Variants in LGR6 observed in about 807,000 individuals in gnomAD.
The protein encoded by LGR6 is leucine-rich repeat-containing G protein-coupled receptor 6.
Under a neutral mutation model 69.4 loss-of-function variants are expected in LGR6, and 45 were observed. The observed-to-expected ratio is 0.65, with a 90% CI of 0.51 to 0.83. The LOEUF is 0.83. Ranked by LOEUF, LGR6 falls within the 40% of genes least tolerant of loss-of-function variation. LGR6 has a pLI of 0.00. For missense variants in LGR6, 1,108 were observed against 1,246.7 expected, an observed-to-expected ratio of 0.89 and a Z score of 1.68; for synonymous variants, 538 against 555.0, an observed-to-expected ratio of 0.97 and a Z score of 0.43.
chr1:202,228,118 C>T, intron 3 of LGR6, 111 bp downstream of exon 3: 1 of 647,826 alleles, frequency 1.5e-6, no homozygotes, highest in Non-Finnish European at 2.7e-6. Context: ...TTATTATTTC[C>T]TTATCTTCAC....
chr1:202,312,593 A>G (rs910904859), intron 16 of LGR6, among the ~76,000 whole-genome samples: 7 of 152,254 alleles, frequency 4.6e-5, no homozygotes, highest in Non-Finnish European at 1.5e-5. Flanking sequence ...TGCAACAAAC[A>G]GAGTCACCTA....
rs926793959 is a variant in LGR6, at chr1:202,261,312, C to G, written c.429-14994C>G. On this transcript the variant is annotated intron_variant, in intron 4 of 17. Coordinates refer to ENST00000367278, the MANE Select transcript of LGR6 (RefSeq NM_001017403.2). ...TGTGTTCTCAGTGTTCAATTCCCATCCATGAGTAAGAACATGTGGTGTTTG... is the reference window on the plus strand; with the variant it reads ...TGTGTTCTCAGTGTTCAATTCCCATGCATGAGTAAGAACATGTGGTGTTTG... 2.2e-4 allele frequency among the ~76,000 whole-genome samples: 32 copies of G among 147,960 alleles called. 1 individual carries two copies. Among genetic ancestry groups the G allele is most frequent in the South Asian group, 4.3e-4 (2 of 4,626 alleles).
intron 4 of LGR6, among the ~76,000 whole-genome samples, chr1:202,242,728 A>T (rs1234531720): frequency 1.3e-5 from 2 of 152,212 alleles, no homozygotes; most frequent in Non-Finnish European, 2.9e-5. Flanking sequence ...CATTTTGTCC[A>T]GCATTGGAGG....
In LGR6 at chr1:202,318,561, A is replaced by G. The variant is rs1249488486; in HGVS notation, c.2258A>G (p.Lys753Arg). ...CTGGTCGTGGCCGGTGCCTACATCAAACTGTACTGTGACCTGCCGCGGGGC... is the reference window on the plus strand; with the variant it reads ...CTGGTCGTGGCCGGTGCCTACATCAGACTGTACTGTGACCTGCCGCGGGGC... ...CFLVVAGAYI[K>R]LYCDLPRGDF... Residue 753 changes from lysine to arginine, a missense_variant, in exon 18 of 18, where the codon AAA becomes AGA. Physicochemically the swap from Lys to Arg is conservative, Grantham distance 26. Transcript: ENST00000367278. 1.2e-6 allele frequency: 2 copies of G among 1,614,016 alleles called. No individual in the cohort carries two copies. The highest frequency in any genetic ancestry group is 4.5e-5 in the East Asian group (2 of 44,830).
chr1:202,196,666 C>T (rs1380036405), intron 1 of LGR6, among the ~76,000 whole-genome samples: 1 of 152,178 alleles, frequency 6.6e-6, no homozygotes, highest in Non-Finnish European at 1.5e-5. Context: ...CAATGAAAGT[C>T]CCCAGAGTGC....
chr1:202,254,163 G>A, intron 4 of LGR6, among the ~76,000 whole-genome samples: 1 of 149,558 alleles, frequency 6.7e-6, no homozygotes, highest in East Asian at 2.0e-4. Context: ...AGCCAGGATG[G>A]TCTCCATCTC....
intron 4 of LGR6, among the ~76,000 whole-genome samples, chr1:202,257,615 C>T (rs1452301807): frequency 6.6e-6 from 1 of 152,094 alleles, no homozygotes; most frequent in Non-Finnish European, 1.5e-5. Context: ...TGTTCTTGAT[C>T]ATCAATTGCC....
chr1:202,304,776 G>A (rs1667860659), intron 11 of LGR6, 146 bp downstream of exon 11: 3 of 521,544 alleles, frequency 5.8e-6, no homozygotes, highest in Non-Finnish European at 1.0e-5. Flanking sequence ...GCCTACCCCA[G>A]AAGGACCGGG....
intron 1 of LGR6, among the ~76,000 whole-genome samples, chr1:202,208,716 C>A (rs1571814046): frequency 6.6e-6 from 1 of 152,162 alleles, no homozygotes; most frequent in African/African-American, 2.4e-5. Context: ...CCACCTCCCC[C>A]TCTGCCTGCC....
At chr1:202,248,451 C>T (rs1426064707) in intron 4 of LGR6, among the ~76,000 whole-genome samples, 6 of 149,090 alleles carry the variant, frequency 4.0e-5, no homozygotes, top group Non-Finnish European at 7.4e-5. Flanking sequence ...TGACCCCATC[C>T]GGGGGACTCT....
At chr1:202,218,139 C>T (rs1302074278) in intron 1 of LGR6, among the ~76,000 whole-genome samples, 1 of 152,146 alleles carries the variant, frequency 6.6e-6, no homozygotes, top group Non-Finnish European at 1.5e-5. Context: ...TTTTAGGAGA[C>T]CTACTTGTAA....
chr1:202,203,057 G>T (rs1658894623), intron 1 of LGR6, among the ~76,000 whole-genome samples: 1 of 152,206 alleles, frequency 6.6e-6, no homozygotes, highest in African/African-American at 2.4e-5. Context: ...AGCACCCCCA[G>T]CTCAGTGCAT....
At chr1:202,204,934 TC>T (rs1659061814) in intron 1 of LGR6, among the ~76,000 whole-genome samples, 1 of 9,204 alleles carries the variant, frequency 1.1e-4, no homozygotes, top group African/African-American at 4.1e-4. Flanking sequence ...AACACACACC[TC>T]CTTCAAGCAC....
chr1:202,318,652 G>A lies in LGR6; in HGVS notation c.2349G>A (p.Gly783=), dbSNP rs944647187. 64 of 1,613,676 alleles carry A rather than the reference G, an allele frequency of 4.0e-5. No homozygotes were observed. The highest frequency in any genetic ancestry group is 5.2e-5 in the Non-Finnish European group (61 of 1,180,024). ...TGGCCTGGCTCATCTTCGCAGACGG[G>A]CTCCTCTACTGTCCCGTGGCCTTCC... is the stretch of plus-strand genomic sequence containing the variant. ...RHVAWLIFAD[G]LLYCPVAFLS... The change falls in exon 18 of 18, where the codon GGG becomes GGA. Residue 783 remains glycine (G), a synonymous_variant. Coordinates refer to ENST00000367278, the MANE Select transcript of LGR6 (RefSeq NM_001017403.2).
At chr1:202,290,844 A>T (rs1006005770) in intron 6 of LGR6, among the ~76,000 whole-genome samples, 2 of 152,202 alleles carry the variant, frequency 1.3e-5, no homozygotes, top group Admixed American at 6.5e-5. Context: ...AGCCTGGGCA[A>T]CAGGAGCAAA....
At chr1:202,286,124 T>C (rs184618620) in intron 6 of LGR6, among the ~76,000 whole-genome samples, 15 of 152,336 alleles carry the variant, frequency 9.8e-5, no homozygotes, top group Admixed American at 7.2e-4. Flanking sequence ...AGATTTTTAA[T>C]TCCTTCTGCA....
chr1:202,309,001 C>A, intron 14 of LGR6, 50 bp from the exon 15 acceptor site: 1 of 1,608,014 alleles, frequency 6.2e-7, no homozygotes, highest in South Asian at 1.1e-5. Context: ...AGCCCTGCCC[C>A]CTCAGCAATC....
intron 7 of LGR6, among the ~76,000 whole-genome samples, chr1:202,300,580 A>G (rs998027762): frequency 6.6e-6 from 1 of 151,868 alleles, no homozygotes; most frequent in Non-Finnish European, 1.5e-5. Flanking sequence ...GCTTGAGCCC[A>G]GGAAGTCGAG....
chr1:202,207,020 C>T (rs1659272311), intron 1 of LGR6, among the ~76,000 whole-genome samples: 2 of 152,056 alleles, frequency 1.3e-5, no homozygotes, highest in South Asian at 2.1e-4. Context: ...CGGGTTCAAG[C>T]GATTCTTCTG....
Sources: allele counts gnomAD v4.1 joint callset (sites outside exome capture counted in the v4.1 genomes callset), GRCh38; gene constraint gnomAD v4.1.1; transcripts MANE v1.5; gene names NCBI Gene and HGNC (gene_info 2026-07-23, HGNC 2026-07-21).